SASS6: variants seen among roughly 807,000 people sequenced by gnomAD.
The protein encoded by SASS6 is SAS-6 centriolar assembly protein.
In SASS6, 59 loss-of-function variants were observed where a neutral mutation model predicts 94.9. That is an observed-to-expected ratio of 0.62 (90% CI 0.50 to 0.77). The LOEUF (loss-of-function observed/expected upper bound fraction) is 0.77, where lower values mean the gene tolerates loss of function less well. Among genes scored for constraint, SASS6 ranks in the 30% least tolerant of loss-of-function variants. The pLI, the probability that SASS6 is intolerant of heterozygous loss-of-function variation, is 0.00. For missense variants in SASS6, 698 were observed against 734.1 expected (o/e 0.95, Z 0.57); for synonymous variants, 264 against 270.0 (o/e 0.98, Z 0.22).
intron 1 of SASS6, among the ~76,000 whole-genome samples, chr1:100,129,848 T>C (rs1654871785): frequency 6.6e-6 from 1 of 152,224 alleles, no homozygotes; most frequent in Non-Finnish European, 1.5e-5. Flanking sequence ...TGCATAATTT[T>C]CCACCAGATG....
rs1348182240 is a variant in SASS6 at position 100,088,143 on chromosome 1, C to T, written c.1768G>A (p.Glu590Lys). 4 of 1,543,776 alleles carry T rather than the reference C, an allele frequency of 2.6e-6. No individual in the cohort carries two copies. Among genetic ancestry groups the T allele is most frequent in the Non-Finnish European group, 2.7e-6 (3 of 1,117,628 alleles). ...TISMPCSTDK[E>K]NGENVGLESK... Reference sequence around the variant, plus strand: ...TTTATGTCATTAAGCACTTACTTTTCCTTATCAGTTGAGCAAGGCATACTA... The same window carrying T: ...TTTATGTCATTAAGCACTTACTTTTTCTTATCAGTTGAGCAAGGCATACTA... Residue 590 changes from glutamate (E) to lysine (K), a missense_variant, in exon 15 of 17, where the codon GAA becomes AAA. Physicochemically the swap from Glu to Lys is moderately conservative, Grantham distance 56. Transcript: ENST00000287482.
At position 100,107,659 on chromosome 1, in the gene SASS6, G is replaced by C; in HGVS notation, c.1115C>G (p.Thr372Arg). The change falls in exon 10 of 17, where the codon ACA (threonine) becomes AGA (arginine). Residue 372 changes from threonine to arginine, a missense_variant. Coordinates refer to ENST00000287482, the MANE Select transcript of SASS6 (RefSeq NM_194292.3). ...AAGTTCTGCAGATAATGATTTTATT[G>C]TAGCTTCAAGCTTTCCTAGTTGTAC... ...NQVQLGKLEA[T>R]IKSLSAELLK... 1 of 1,604,742 alleles carries C rather than the reference G, an allele frequency of 6.2e-7. No individual in the cohort carries two copies. Among genetic ancestry groups the C allele is most frequent in the Non-Finnish European group, 8.5e-7 (1 of 1,175,530 alleles).
intron 14 of SASS6, among the ~76,000 whole-genome samples, chr1:100,099,767 C>A (rs572534546): frequency 1.7e-4 from 26 of 152,180 alleles, no homozygotes; most frequent in Non-Finnish European, 3.7e-4. Flanking sequence ...CTCCACTCCA[C>A]TACTATTTTG....
Position 100,110,362 on chromosome 1 carries a change from A to T in SASS6, c.791T>A (p.Leu264Ter), listed in dbSNP as rs762867079. ...LSELEAANKD[L>*]TERKYKGDST... ...GTCTCCTTTATATTTTCTTTCGGTTAAGTCTTTATTAGCCGCTTCTAACTC... is the reference window on the plus strand; with the variant it reads ...GTCTCCTTTATATTTTCTTTCGGTTTAGTCTTTATTAGCCGCTTCTAACTC... Residue 264 changes from leucine to a stop codon, truncating the protein, a stop_gained, in exon 8 of 17, where the codon TTA becomes TAA. Transcript: ENST00000287482. LOFTEE classifies it high-confidence loss of function. 1 of 1,608,462 alleles carries T rather than the reference A, an allele frequency of 6.2e-7. No individual in the cohort carries two copies. The highest frequency in any genetic ancestry group is 1.7e-5 in the Admixed American group (1 of 59,208).
intron 15 of SASS6, among the ~76,000 whole-genome samples, 164 bp downstream of exon 15, chr1:100,087,975 C>G (rs944246019): frequency 1.2e-4 from 19 of 152,088 alleles, no homozygotes; most frequent in African/African-American, 4.6e-4. Flanking sequence ...TATGAGAAAT[C>G]TCTTTTTTAT....
chr1:100,104,939 T>C (rs1412282040), intron 13 of SASS6, among the ~76,000 whole-genome samples: 1 of 151,078 alleles, frequency 6.6e-6, no homozygotes, highest in Non-Finnish European at 1.5e-5. Context: ...GGCAACAGAG[T>C]GAGGTCTTGT....
intron 14 of SASS6, among the ~76,000 whole-genome samples, chr1:100,092,417 T>A (rs932067132): frequency 6.6e-6 from 1 of 152,166 alleles, no homozygotes; most frequent in Non-Finnish European, 1.5e-5. Context: ...AGACTTCCTC[T>A]AAAAGAAATG....
intron 7 of SASS6, among the ~76,000 whole-genome samples, chr1:100,116,989 A>G (rs919055590): frequency 3.9e-5 from 6 of 152,140 alleles, no homozygotes; most frequent in African/African-American, 1.4e-4. Flanking sequence ...CAACAATAAA[A>G]TGTAATATTA....
chr1:100,114,329 A>C (rs892704826), intron 7 of SASS6, among the ~76,000 whole-genome samples: 10 of 152,040 alleles, frequency 6.6e-5, no homozygotes, highest in African/African-American at 2.2e-4. Context: ...ATTTGCAATA[A>C]GCGAACTATG....
intron 7 of SASS6, among the ~76,000 whole-genome samples, chr1:100,117,128 C>T (rs1305027913): frequency 1.3e-5 from 2 of 151,102 alleles, no homozygotes; most frequent in East Asian, 3.9e-4. Context: ...ACCCCGTCTT[C>T]ACTAAAAATA....
intron 1 of SASS6, among the ~76,000 whole-genome samples, chr1:100,126,443 T>C (rs1654623857): frequency 6.6e-6 from 1 of 152,202 alleles, no homozygotes; most frequent in African/African-American, 2.4e-5. Context: ...TACCATGTCA[T>C]GTAATCAAAC....
At chr1:100,130,689 GAAA>G (rs369101016) in intron 1 of SASS6, among the ~76,000 whole-genome samples, 1 of 135,176 alleles carries the variant, frequency 7.4e-6, no homozygotes, top group Admixed American at 7.6e-5. Context: ...ACTCTGTCTA[GAAA>G]AAAAAAAAAA....
intron 1 of SASS6, 59 bp from the exon 2 acceptor site, chr1:100,126,001 T>A: frequency 1.2e-6 from 1 of 846,426 alleles, no homozygotes; most frequent in Non-Finnish European, 1.9e-6. Context: ...GTTATCACTA[T>A]CATTTGTATT....
intron 14 of SASS6, among the ~76,000 whole-genome samples, chr1:100,093,116 T>C (rs928141843): frequency 6.8e-6 from 1 of 147,864 alleles, no homozygotes; most frequent in African/African-American, 2.5e-5. Context: ...ATAAAAATAA[T>C]ACAAAGAGAT....
chr1:100,129,248 A>AT (rs1254485691), intron 1 of SASS6, among the ~76,000 whole-genome samples: 2 of 152,068 alleles, frequency 1.3e-5, no homozygotes, highest in African/African-American at 4.8e-5. Flanking sequence ...AAAAAAAAAA[A>AT]AATAATAATT....
intron 8 of SASS6, 119 bp downstream of exon 8, chr1:100,110,173 G>A (rs1417940167): frequency 4.2e-6 from 2 of 472,322 alleles, no homozygotes; most frequent in Non-Finnish European, 7.4e-6. Context: ...TGTCTGAATG[G>A]ATACCCTAAC....
chr1:100,093,211 A>T (rs1257444108), intron 14 of SASS6, among the ~76,000 whole-genome samples: 1 of 114,496 alleles, frequency 8.7e-6, no homozygotes, highest in African/African-American at 3.5e-5. Flanking sequence ...GAGACCTCTC[A>T]CTCTATTGCC....
chr1:100,129,459 T>C (rs1654852182), intron 1 of SASS6, among the ~76,000 whole-genome samples: 1 of 152,126 alleles, frequency 6.6e-6, no homozygotes, highest in African/African-American at 2.4e-5. Flanking sequence ...AACAATAATC[T>C]TGATAAGTAA....
chr1:100,105,482 G>A (rs1042261874), intron 13 of SASS6, among the ~76,000 whole-genome samples: 1 of 151,402 alleles, frequency 6.6e-6, no homozygotes, highest in Non-Finnish European at 1.5e-5. Flanking sequence ...AGCCGAGATC[G>A]CGCCACTGCA....
Sources: gnomAD v4.1 joint callset for allele counts (sites outside exome capture counted in the v4.1 genomes callset) on GRCh38, gnomAD v4.1.1 for gene constraint, MANE v1.5 for transcripts, NCBI Gene and HGNC (gene_info 2026-07-23, HGNC 2026-07-21) for gene names.